FRMPD2: variants seen among roughly 807,000 people sequenced by gnomAD.
FRMPD2 encodes FERM and PDZ domain-containing protein 2.
A neutral mutation model predicts 140.1 loss-of-function variants in FRMPD2; 96 were observed. That is an observed-to-expected ratio of 0.69 (90% CI 0.58 to 0.81). FRMPD2 has a LOEUF of 0.81. Ranked by LOEUF, FRMPD2 falls within the 40% of genes least tolerant of loss-of-function variation. The probability of loss-of-function intolerance (pLI) is 0.00; values close to 1 mark genes in which losing one functional copy is unlikely to be tolerated. For missense variants in FRMPD2, 1,240 were observed against 1,447.4 expected (o/e 0.86, Z 2.32); for synonymous variants, 449 against 547.6 (o/e 0.82, Z 2.52).
chr10:48,237,965 G>T, intron 8 of FRMPD2, 26 bp downstream of exon 8: 1 of 1,613,994 alleles, frequency 6.2e-7, no homozygotes, highest in Non-Finnish European at 8.5e-7. Context: ...TCCTTGAGGA[G>T]TGTCCTTCAG....
In FRMPD2 at chr10:48,219,296, T is replaced by TTC. The variant is rs573737766; in HGVS notation, c.1455+3015_1455+3016dup. Among the ~76,000 whole-genome samples, 139 of 152,064 alleles carry TTC rather than the reference T, an allele frequency of 9.1e-4. 1 individual carries two copies. Among genetic ancestry groups the TTC allele is most frequent in the African/African-American group, 3.1e-3 (127 of 41,476 alleles). The stretch of plus-strand genomic sequence containing the variant: ...CAGTCCTCTTGAAGAAGACCATCTC[T>TTC]TCTCCAAGCTAAGCATTCCCCAGTG... On this transcript the variant is annotated intron_variant, in intron 12 of 28. Transcript: ENST00000374201.
intron 13 of FRMPD2, among the ~76,000 whole-genome samples, chr10:48,210,660 G>A (rs976278737): frequency 4.6e-5 from 7 of 152,210 alleles, no homozygotes; most frequent in African/African-American, 1.7e-4. Flanking sequence ...CAGGGAACAC[G>A]TGTGCAGCCC....
Position 48,187,268 on chromosome 10 carries a change from C to T in FRMPD2, c.2190G>A (p.Leu730=). ...GCTTCTGGATCACACAGGCACTCTT[C>T]AGCTGCTCCCGGCCAGTGCAGGGGC... ...GRSPCTGREQ[L]KSACVIQKPM... The change falls in exon 17 of 29, where the codon CTG becomes CTA. Residue 730 remains leucine, a synonymous_variant. Transcript: ENST00000374201. The T allele has an allele frequency of 6.2e-7, 1 of 1,614,038 alleles. No homozygotes were observed. The highest frequency in any genetic ancestry group is 8.5e-7 in the Non-Finnish European group (1 of 1,179,978).
intron 1 of FRMPD2, among the ~76,000 whole-genome samples, chr10:48,264,656 A>C (rs899233954): frequency 6.6e-6 from 1 of 152,184 alleles, no homozygotes; most frequent in Admixed American, 6.5e-5. Flanking sequence ...AAATATTTTT[A>C]AAATCTAAAT....
chr10:48,161,887 T>C (rs1734239977), intron 28 of FRMPD2, among the ~76,000 whole-genome samples: 1 of 150,798 alleles, frequency 6.6e-6, no homozygotes, highest in South Asian at 2.1e-4. Context: ...ATTGGCTATA[T>C]TAAATTAAAG....
At chr10:48,248,889 T>C (rs1840313141) in intron 3 of FRMPD2, 132 bp downstream of exon 3, 3 of 693,044 alleles carry the variant, frequency 4.3e-6, no homozygotes, top group South Asian at 3.0e-5. Context: ...ATAAAACTCT[T>C]GAAACCCACT....
chr10:48,259,879 G>T (rs1036708507), intron 1 of FRMPD2, among the ~76,000 whole-genome samples: 1 of 151,864 alleles, frequency 6.6e-6, no homozygotes, highest in Non-Finnish European at 1.5e-5. Context: ...TCTAGGAAAA[G>T]GTAAAGACAA....
intron 10 of FRMPD2, among the ~76,000 whole-genome samples, chr10:48,226,671 A>T (rs1839730005): frequency 6.6e-6 from 1 of 152,238 alleles, no homozygotes; most frequent in Non-Finnish European, 1.5e-5. Context: ...AGAAGTTTAG[A>T]CACAGAATAC....
At chr10:48,191,965 G>A (rs1186724976) in intron 16 of FRMPD2, among the ~76,000 whole-genome samples, 2 of 152,190 alleles carry the variant, frequency 1.3e-5, no homozygotes, top group Middle Eastern at 3.2e-3. Context: ...TCCTCTCTGT[G>A]ATGTGATGAG....
intron 14 of FRMPD2, 78 bp from the exon 15 acceptor site, chr10:48,201,462 C>G (rs1294588849): frequency 7.1e-7 from 1 of 1,412,140 alleles, no homozygotes; most frequent in Non-Finnish European, 9.8e-7. Context: ...AGAAAATGCT[C>G]GGTCCCTTGG....
intron 2 of FRMPD2, among the ~76,000 whole-genome samples, chr10:48,250,964 T>A (rs1330609074): frequency 9.9e-6 from 1 of 100,534 alleles, no homozygotes; most frequent in Non-Finnish European, 1.7e-5. Context: ...ACCTGGCAAA[T>A]TTTTTTTTTT....
intron 12 of FRMPD2, among the ~76,000 whole-genome samples, chr10:48,219,218 T>A (rs1361468665): frequency 6.7e-6 from 1 of 149,550 alleles, no homozygotes; most frequent in African/African-American, 2.5e-5. Context: ...TGTGTGTGGT[T>A]AACATTTCTT....
At position 48,192,778 on chromosome 10, in the gene FRMPD2, G is replaced by A. The variant is rs1039829789; in HGVS notation, c.2071C>T (p.Leu691Phe). The change falls in exon 16 of 29, where the codon CTT (leucine) becomes TTT (phenylalanine). Residue 691 changes from leucine (L) to phenylalanine (F), a missense_variant. By Grantham distance (22) the Leu-to-Phe change is conservative (BLOSUM62 0). Coordinates refer to ENST00000374201, the MANE Select transcript of FRMPD2 (RefSeq NM_001018071.4). ...AGCAGGCCTCCTGCAGCACCCTGAA[G>A]CCTGGATACAAACAACTCGTTTTCT... is the stretch of plus-strand genomic sequence containing the variant. ...CSENELFVSR[L>F]QGAAGGLLST... 1 of 1,614,046 alleles carries A rather than the reference G, an allele frequency of 6.2e-7. No individual in the cohort carries two copies. Among genetic ancestry groups the A allele is most frequent in the Admixed American group, 1.7e-5 (1 of 60,014 alleles).
chr10:48,262,840 T>A (rs768259467), intron 1 of FRMPD2, among the ~76,000 whole-genome samples: 6 of 152,114 alleles, frequency 3.9e-5, no homozygotes, highest in Non-Finnish European at 8.8e-5. Context: ...AGTGGTGCAA[T>A]CTTGGCTCAC....
At chr10:48,245,072 G>A (rs923510054) in intron 3 of FRMPD2, among the ~76,000 whole-genome samples, 6 of 152,182 alleles carry the variant, frequency 3.9e-5, no homozygotes, top group Non-Finnish European at 5.9e-5. Context: ...GGTGAAAGGC[G>A]TGAGAGAAAT....
chr10:48,229,453 C>A (rs1839799208), intron 10 of FRMPD2, among the ~76,000 whole-genome samples: 1 of 152,068 alleles, frequency 6.6e-6, no homozygotes, highest in Admixed American at 6.6e-5. Flanking sequence ...TACTTTGGGT[C>A]TTTCCAGCTG....
chr10:48,214,530 G>A (rs1839403057), intron 12 of FRMPD2, among the ~76,000 whole-genome samples: 1 of 152,080 alleles, frequency 6.6e-6, no homozygotes, highest in Admixed American at 6.5e-5. Context: ...ATGTAGAGGG[G>A]CAAGGGATAT....
intron 11 of FRMPD2, 137 bp from the exon 12 acceptor site, chr10:48,222,588 G>A: frequency 1.1e-6 from 1 of 893,584 alleles, no homozygotes; most frequent in Non-Finnish European, 1.7e-6. Context: ...CAGAGGCAAT[G>A]CCAGCAAGAC....
chr10:48,271,584 G>T (rs946351474), intron 1 of FRMPD2, among the ~76,000 whole-genome samples: 6 of 152,046 alleles, frequency 3.9e-5, no homozygotes, highest in African/African-American at 1.4e-4. Flanking sequence ...ACAATGTTGG[G>T]CTATGATAGC....
Sources: gnomAD v4.1 joint callset for allele counts (sites outside exome capture counted in the v4.1 genomes callset) on GRCh38, gnomAD v4.1.1 for gene constraint, MANE v1.5 for transcripts, NCBI Gene and HGNC (gene_info 2026-07-23, HGNC 2026-07-21) for gene names.